BCR: variants seen among roughly 807,000 people sequenced by gnomAD.
BCR encodes the protein BCR activator of RhoGEF and GTPase.
In BCR, 58 loss-of-function variants were observed where a neutral mutation model predicts 138.6. That is an observed-to-expected ratio of 0.42 (90% confidence interval 0.34 to 0.52). BCR has a LOEUF of 0.52. Ranked by LOEUF, BCR falls within the 20% of genes least tolerant of loss-of-function variation. The pLI, the probability that BCR is intolerant of heterozygous loss-of-function variation, is 0.06. For missense variants in BCR, 1,599 were observed against 1,727.2 expected, an observed-to-expected ratio of 0.93 and a Z score of 1.32; for synonymous variants, 786 against 730.1, an observed-to-expected ratio of 1.08 and a Z score of -1.23.
At chr22:23,240,335 GTGTGTGTGTC>G (rs1469457335) in intron 1 of BCR, among the ~76,000 whole-genome samples, 16 of 148,646 alleles carry the variant, frequency 1.1e-4, no homozygotes, top group African/African-American at 1.7e-4. Flanking sequence ...GTGTGTGTGT[GTGTGTGTGTC>G]TGTCTATGTG....
At chr22:23,313,943 AG>A (rs1273531761) in intron 20 of BCR, 24 bp from the exon 21 acceptor site, 3 of 1,601,374 alleles carry the variant, frequency 1.9e-6, no homozygotes, top group Non-Finnish European at 2.6e-6. Context: ...TGTGACCCCA[AG>A]GAGTAACCCA....
chr22:23,227,473 A>T (rs1191653575), intron 1 of BCR, among the ~76,000 whole-genome samples: 1 of 152,256 alleles, frequency 6.6e-6, no homozygotes, highest in Non-Finnish European at 1.5e-5. Context: ...ATAAGGAAGA[A>T]CATCTTGACT....
chr22:23,234,408 G>T (rs1232811452), intron 1 of BCR, among the ~76,000 whole-genome samples: 1 of 152,326 alleles, frequency 6.6e-6, no homozygotes, highest in East Asian at 1.9e-4. Flanking sequence ...TGGGTGATCA[G>T]TGGCCTGAGG....
Position 23,315,416 on chromosome 22 carries a change from C to T in BCR, c.3727-17C>T. On this transcript the variant is annotated splice_polypyrimidine_tract_variant and intron_variant, in intron 22 of 22. Transcript: ENST00000305877. ...CCGCTCTGAGCCACTCTTCTCTTCC[C>T]TACTCTGCCCGGGCAGGTCCAGGTG... The T allele has an allele frequency of 1.9e-6, 3 of 1,612,960 alleles. No individual in the cohort carries two copies. Among genetic ancestry groups the T allele is most frequent in the Middle Eastern group, 1.7e-4 (1 of 5,856 alleles).
intron 2 of BCR, among the ~76,000 whole-genome samples, chr22:23,255,598 C>T (rs759197897): frequency 6.6e-6 from 1 of 152,216 alleles, no homozygotes; most frequent in Non-Finnish European, 1.5e-5. Flanking sequence ...TATCTGCACC[C>T]AGCCAGTCCT....
intron 1 of BCR, among the ~76,000 whole-genome samples, chr22:23,235,384 C>G (rs1357457102): frequency 6.9e-6 from 1 of 144,752 alleles, no homozygotes; most frequent in African/African-American, 2.4e-5. Flanking sequence ...CCGGCCTTCT[C>G]CAAGTTCCGA....
intron 2 of BCR, among the ~76,000 whole-genome samples, chr22:23,258,543 G>T (rs1162091819): frequency 6.6e-6 from 1 of 152,224 alleles, no homozygotes; most frequent in Non-Finnish European, 1.5e-5. Flanking sequence ...AAATTCTACA[G>T]ATACCATGAG....
intron 1 of BCR, among the ~76,000 whole-genome samples, chr22:23,185,234 C>T (rs1321149787): frequency 1.3e-5 from 2 of 152,154 alleles, no homozygotes; most frequent in Non-Finnish European, 2.9e-5. Flanking sequence ...ACGTGGTGGC[C>T]CTGCGGTGTT....
At chr22:23,218,839 GA>G (rs916128648) in intron 1 of BCR, among the ~76,000 whole-genome samples, 3 of 152,246 alleles carry the variant, frequency 2.0e-5, no homozygotes, top group Admixed American at 6.5e-5. Flanking sequence ...AGCACATTCT[GA>G]GGGTGAGTGG....
At chr22:23,281,574 G>C (rs1287759710) in intron 8 of BCR, among the ~76,000 whole-genome samples, 1 of 152,158 alleles carries the variant, frequency 6.6e-6, no homozygotes, top group Non-Finnish European at 1.5e-5. Context: ...GGGAGGGCAG[G>C]CAGGGGCCGA....
At chr22:23,272,263 A>C (rs1286931104) in intron 6 of BCR, among the ~76,000 whole-genome samples, 1 of 152,194 alleles carries the variant, frequency 6.6e-6, no homozygotes, top group Non-Finnish European at 1.5e-5. Flanking sequence ...GTCACTTCTT[A>C]TTTTCAGTTG....
At chr22:23,255,283 G>A (rs777392520) in intron 2 of BCR, among the ~76,000 whole-genome samples, 18 of 152,122 alleles carry the variant, frequency 1.2e-4, no homozygotes, top group Admixed American at 3.3e-4. Context: ...TACCTGCTCC[G>A]TGCAGCACAC....
At chr22:23,186,896 C>T (rs2072350222) in intron 1 of BCR, among the ~76,000 whole-genome samples, 1 of 152,172 alleles carries the variant, frequency 6.6e-6, no homozygotes, top group South Asian at 2.1e-4. Context: ...CCACCACACC[C>T]AGCTAATTTT....
intron 1 of BCR, among the ~76,000 whole-genome samples, chr22:23,223,034 A>G (rs1179163112): frequency 6.6e-6 from 1 of 152,174 alleles, no homozygotes; most frequent in East Asian, 1.9e-4. Flanking sequence ...GGGCCAAAGA[A>G]GCTCTCTTGG....
In BCR at chr22:23,209,575, G is replaced by A. The variant is rs113247619; in HGVS notation, c.1279+27336G>A. Reference sequence around the variant, plus strand: ...TTTTATTTTTTTGAGATGGAGTCTCGCTCTGTTGCCCAGGCTGGAGTGCAG... The same window carrying A: ...TTTTATTTTTTTGAGATGGAGTCTCACTCTGTTGCCCAGGCTGGAGTGCAG... On this transcript the variant is annotated intron_variant, in intron 1 of 22. Transcript: ENST00000305877. Among the ~76,000 whole-genome samples, 848 of 139,944 alleles carry A rather than the reference G, an allele frequency of 6.1e-3. 9 individuals carry two copies. Among genetic ancestry groups the A allele is most frequent in the African/African-American group, 0.024 (748 of 30,694 alleles). The allele number at this position is 139,944 out of a possible 152,430, so 91.8% of individuals were successfully genotyped here.
intron 1 of BCR, among the ~76,000 whole-genome samples, chr22:23,236,848 A>G (rs1459227052): frequency 8.8e-6 from 1 of 113,878 alleles, no homozygotes; most frequent in African/African-American, 3.0e-5. Flanking sequence ...CTGTCTGGGA[A>G]GCGTGAACAA....
rs1188035048 is a variant in BCR, at chr22:23,297,224, T to TTTG, written c.3012+2071_3012+2072insGTT. On this transcript the variant is annotated intron_variant, in intron 16 of 22. Transcript: ENST00000305877. The stretch of plus-strand genomic sequence containing the variant: ...GCTAAGTTGTTTTTTGTTTTTTGTT[T>TTTG]TTTTTTTTTTTTTCGAGACAGAGTT... Among the ~76,000 whole-genome samples the TTTG allele has an allele frequency of 6.0e-4, 85 of 141,858 alleles. 2 individuals carry two copies. Among genetic ancestry groups the TTTG allele is most frequent in the African/African-American group, 2.1e-3 (79 of 37,954 alleles). 93.1% of individuals were successfully genotyped at this position (141,858 alleles called of 152,430 possible).
In BCR at chr22:23,181,533, C is replaced by T. The variant is rs1271142806; in HGVS notation, c.573C>T (p.Val191=). 3.7e-6 allele frequency: 6 copies of T among 1,612,852 alleles called. No homozygotes were observed. The highest frequency in any genetic ancestry group is 1.6e-4 in the Middle Eastern group (1 of 6,084). ...EFHHERGLVK[V]NDKEVSDRIS... ...ACCACGAGCGCGGCCTGGTGAAGGT[C>T]AACGACAAAGAGGTGTCGGACCGCA... is the stretch of plus-strand genomic sequence containing the variant. The change falls in exon 1 of 23, where the codon GTC becomes GTT. Residue 191 remains valine, a synonymous_variant. Coordinates refer to ENST00000305877, the MANE Select transcript of BCR (RefSeq NM_004327.4).
chr22:23,261,004 A>G lies in BCR; in HGVS notation c.1516A>G (p.Ile506Val). ...GATGAGAAAATGGGTCCTGTCGGGA[A>G]TCCTGGCTAGCGAGGAGACTTACCT... The part of the protein sequence containing the change: ...LEMRKWVLSG[I>V]LASEETYLSH... The change falls in exon 3 of 23, where the codon ATC becomes GTC. Residue 506 changes from isoleucine (I) to valine (V), a missense_variant. Ile to Val is a conservative substitution (Grantham distance 29). Coordinates refer to ENST00000305877, the MANE Select transcript of BCR (RefSeq NM_004327.4). 1.9e-6 allele frequency: 3 copies of G among 1,613,914 alleles called. No homozygotes were observed. The highest frequency in any genetic ancestry group is 2.5e-6 in the Non-Finnish European group (3 of 1,179,998).
Sources: gnomAD v4.1 joint callset for allele counts (sites outside exome capture counted in the v4.1 genomes callset) on GRCh38, gnomAD v4.1.1 for gene constraint, MANE v1.5 for transcripts, NCBI Gene and HGNC (gene_info 2026-07-23, HGNC 2026-07-21) for gene names.